Variants in RBL1 observed in about 807,000 individuals in gnomAD.
RBL1 encodes the protein retinoblastoma-like protein 1.
A neutral mutation model predicts 123.0 loss-of-function variants in RBL1; 82 were observed. That is an observed-to-expected ratio of 0.67 (90% confidence interval 0.56 to 0.80). The LOEUF is 0.80. Among genes scored for constraint, RBL1 ranks in the 30% least tolerant of loss-of-function variants. The probability of loss-of-function intolerance (pLI) is 0.00; values close to 1 mark genes in which losing one functional copy is unlikely to be tolerated. For synonymous variants in RBL1, 405 were observed against 441.3 expected (o/e 0.92, Z 1.03); for missense variants, 1,171 against 1,299.6 (o/e 0.90, Z 1.52).
At chr20:37,049,696 G>T in intron 11 of RBL1, 1 of 732,662 alleles carries the variant, frequency 1.4e-6, no homozygotes, top group South Asian at 1.4e-5. Flanking sequence ...CAACAAACCA[G>T]AAGATAACTA....
intron 6 of RBL1, among the ~76,000 whole-genome samples, chr20:37,066,179 T>A (rs1360026251): frequency 2.0e-5 from 3 of 152,118 alleles, no homozygotes; most frequent in Non-Finnish European, 4.4e-5. Flanking sequence ...AAATAAGAAA[T>A]TGAAACCCAA....
At chr20:37,033,916 G>A (rs948076152) in intron 15 of RBL1, among the ~76,000 whole-genome samples, 6 of 149,710 alleles carry the variant, frequency 4.0e-5, no homozygotes, top group South Asian at 4.3e-4. Context: ...TGTGCCTGGC[G>A]CCCCCCGGGC....
chr20:37,087,951 T>C (rs1314235906), intron 2 of RBL1, among the ~76,000 whole-genome samples: 1 of 152,142 alleles, frequency 6.6e-6, no homozygotes, highest in Non-Finnish European at 1.5e-5. Flanking sequence ...CTACTTAGAC[T>C]GAAATGGTTG....
At chr20:37,038,612 T>C (rs1215080597) in intron 14 of RBL1, among the ~76,000 whole-genome samples, 1 of 145,996 alleles carries the variant, frequency 6.8e-6, no homozygotes, top group Non-Finnish European at 1.5e-5. Context: ...TTTTTTTTTT[T>C]TTTTTTCTGA....
Position 37,065,417 on chromosome 20 carries a change from T to C in RBL1, c.896+7A>G, listed in dbSNP as rs1164052183. 1.9e-6 allele frequency: 3 copies of C among 1,566,278 alleles called. No homozygotes were observed. The highest frequency in any genetic ancestry group is 1.4e-5 in the African/African-American group (1 of 73,740). On this transcript the variant is annotated splice_region_variant and intron_variant, in intron 7 of 21. Coordinates refer to ENST00000373664, the MANE Select transcript of RBL1 (RefSeq NM_002895.5). ...TAAGCCAGGCACCATTAGTACTAGA[T>C]ATTTACCTATTATCAGTAAAACTTG...
chr20:37,030,143 A>C (rs767440819), intron 16 of RBL1, among the ~76,000 whole-genome samples: 3 of 152,250 alleles, frequency 2.0e-5, no homozygotes, highest in Non-Finnish European at 4.4e-5. Flanking sequence ...ATCTTAAGAA[A>C]GAAAAACAAA....
chr20:37,028,808 C>T (rs2064462407), intron 16 of RBL1, among the ~76,000 whole-genome samples: 1 of 152,182 alleles, frequency 6.6e-6, no homozygotes, highest in South Asian at 2.1e-4. Flanking sequence ...ACTTATAGCT[C>T]ACCAGGATCA....
intron 18 of RBL1, among the ~76,000 whole-genome samples, chr20:37,018,637 A>C (rs2064293288): frequency 6.6e-6 from 1 of 152,202 alleles, no homozygotes; most frequent in Non-Finnish European, 1.5e-5. Context: ...ATCAGGTTTT[A>C]CTAAATGAAA....
rs8114297 is a variant in RBL1, at chr20:36,998,861, G to C, written c.3105C>G (p.Ile1035Met). The C allele has an allele frequency of 2.0e-3, 3,206 of 1,613,088 alleles. 55 individuals are homozygous for C. The African/African-American group carries it at 0.037, about 19-fold the overall frequency. Residue 1035 changes from isoleucine to methionine, a missense_variant, in exon 22 of 22, where the codon ATC becomes ATG. Coordinates refer to ENST00000373664, the MANE Select transcript of RBL1 (RefSeq NM_002895.5). ...TGGCAGGGGATTCTGCATCACTATC[G>C]ATGGCTATTACTCGCTTCTTGGTTC... is the stretch of plus-strand genomic sequence containing the variant. Reference protein sequence around the residue: ...EQRTKKRVIAIDSDAESPAKR... With the variant: ...EQRTKKRVIAMDSDAESPAKR...
At chr20:37,049,397 G>A (rs1413731954) in intron 11 of RBL1, 2 of 731,300 alleles carry the variant, frequency 2.7e-6, no homozygotes, top group East Asian at 2.4e-5. Context: ...TTGCTGGCAA[G>A]CAACTGGAAG....
intron 2 of RBL1, among the ~76,000 whole-genome samples, chr20:37,076,009 T>A (rs1026928543): frequency 6.6e-6 from 1 of 152,224 alleles, no homozygotes; most frequent in African/African-American, 2.4e-5. Flanking sequence ...TCTCATCACC[T>A]GCCTCCCAGT....
intron 6 of RBL1, among the ~76,000 whole-genome samples, chr20:37,065,972 G>T: frequency 6.6e-6 from 1 of 152,106 alleles, no homozygotes; most frequent in Non-Finnish European, 1.5e-5. Context: ...CAGACAATGG[G>T]CCATAATATA....
At chr20:37,069,530 A>ACCC (rs560225081) in intron 2 of RBL1, among the ~76,000 whole-genome samples, 2,460 of 140,738 alleles carry the variant, frequency 0.017, 23 homozygotes, top group Middle Eastern at 0.029. Context: ...CCCGGCTGCG[A>ACCC]CCCCGTCTGG....
chr20:37,035,570 C>T, intron 14 of RBL1, 62 bp from the exon 15 acceptor site: 2 of 1,360,694 alleles, frequency 1.5e-6, no homozygotes, highest in Non-Finnish European at 2.0e-6. Flanking sequence ...TAGGTTTACT[C>T]ATTCACTCAA....
chr20:37,006,904 A>G (rs2064083251), intron 20 of RBL1, among the ~76,000 whole-genome samples: 1 of 151,944 alleles, frequency 6.6e-6, no homozygotes, highest in South Asian at 2.1e-4. Context: ...GTTCCCATCA[A>G]GTTCTTACCC....
chr20:37,001,320 G>C (rs1054365311), intron 21 of RBL1, among the ~76,000 whole-genome samples: 1 of 151,888 alleles, frequency 6.6e-6, no homozygotes, highest in Non-Finnish European at 1.5e-5. Flanking sequence ...GAATAGAAAG[G>C]GGGGAAAGGT....
At position 37,067,140 on chromosome 20, in the gene RBL1, AAAAAAAAAG is replaced by A; in HGVS notation, c.557-28_557-20del. The A allele has an allele frequency of 6.4e-7, 1 of 1,571,752 alleles. No homozygotes were observed. The highest frequency in any genetic ancestry group is 8.6e-7 in the Non-Finnish European group (1 of 1,167,918). ...AAATTACCTTTATAAGGGAAAAAAA[AAAAAAAAAG>A]ACACAAAAACCAGAAACCTCTCATG... is the stretch of plus-strand genomic sequence containing the variant. On this transcript the variant is annotated intron_variant, in intron 4 of 21. Transcript: ENST00000373664.
intron 2 of RBL1, among the ~76,000 whole-genome samples, chr20:37,076,808 G>T (rs933078158): frequency 2.6e-5 from 4 of 151,916 alleles, no homozygotes; most frequent in African/African-American, 9.7e-5. Flanking sequence ...TTATTCCATT[G>T]TATACCATTC....
chr20:36,999,064 A>T, intron 21 of RBL1, 135 bp from the exon 22 acceptor site: 1 of 784,002 alleles, frequency 1.3e-6, no homozygotes, highest in Non-Finnish European at 2.0e-6. Flanking sequence ...TCTTTTTAAA[A>T]CTTAGAACAA....
Sources: gnomAD v4.1 joint callset for allele counts (sites outside exome capture counted in the v4.1 genomes callset) on GRCh38, gnomAD v4.1.1 for gene constraint, MANE v1.5 for transcripts, NCBI Gene and HGNC (gene_info 2026-07-23, HGNC 2026-07-21) for gene names.